ZNF473: variants seen among roughly 807,000 people sequenced by gnomAD.
The protein encoded by ZNF473 is zinc finger protein 100 homolog.
A neutral mutation model predicts 11.1 loss-of-function variants in ZNF473; 4 were observed. That is an observed-to-expected ratio of 0.36 (90% confidence interval 0.18 to 0.82). The LOEUF (loss-of-function observed/expected upper bound fraction) is 0.82, where lower values mean the gene tolerates loss of function less well. ZNF473 is among the 40% of genes least tolerant of loss of function. The pLI is 0.49. For synonymous variants in ZNF473, 404 were observed against 390.4 expected, an observed-to-expected ratio of 1.03 and a Z score of -0.41; for missense variants, 854 against 1,084.0, an observed-to-expected ratio of 0.79 and a Z score of 2.98.
chr19:50,028,941 T>G (rs1033622003), intron 1 of ZNF473, among the ~76,000 whole-genome samples: 7 of 152,234 alleles, frequency 4.6e-5, no homozygotes, highest in African/African-American at 1.4e-4. Context: ...ATTTGTAGTC[T>G]CAAAAATCTG....
At position 50,046,967 on chromosome 19, in the gene ZNF473, T is replaced by G. The variant is rs751446510; in HGVS notation, c.2524T>G (p.Tyr842Asp). The change falls in exon 5 of 5, where the codon TAT becomes GAT. Residue 842 changes from tyrosine (Y) to aspartate (D), a missense_variant. Tyr to Asp is a radical substitution (Grantham distance 160). Transcript: ENST00000270617. The surrounding 1 kb of genome is among the most constrained non-coding windows in gnomAD (Gnocchi z 5.9). ...HLRVHTQETLYQCQRCQKAFR... is the reference protein window; with the variant it reads ...HLRVHTQETLDQCQRCQKAFR... Reference sequence around the variant, plus strand: ...GAGAGTTCACACCCAGGAGACACTTTATCAGTGTCAACGTTGCCAGAAAGC... The same window carrying G: ...GAGAGTTCACACCCAGGAGACACTTGATCAGTGTCAACGTTGCCAGAAAGC... The G allele has an allele frequency of 1.9e-6, 3 of 1,614,184 alleles. No homozygotes were observed. Among genetic ancestry groups the G allele is most frequent in the Non-Finnish European group, 2.5e-6 (3 of 1,180,026 alleles).
At chr19:50,037,803 A>ACTCT (rs139135026) in intron 2 of ZNF473, among the ~76,000 whole-genome samples, 29 of 148,724 alleles carry the variant, frequency 1.9e-4, no homozygotes, top group African/African-American at 5.5e-4. Context: ...AGAGTGAGAC[A>ACTCT]CTCTCTCTCT....
chr19:50,035,404 G>C (rs988944638), intron 2 of ZNF473, among the ~76,000 whole-genome samples: 68 of 150,240 alleles, frequency 4.5e-4, no homozygotes, highest in African/African-American at 1.6e-3. Flanking sequence ...ATAAGGAATT[G>C]GTTTCCTTCT....
At position 50,047,005 on chromosome 19, in the gene ZNF473, C is replaced by G; in HGVS notation, c.2562C>G (p.His854Gln). The change falls in exon 5 of 5, where the codon CAC becomes CAG. Residue 854 changes from histidine (H) to glutamine (Q), a missense_variant. By Grantham distance (24) the His-to-Gln change is conservative. This residue lies in a region of ZNF473 where 186 missense variants were observed against 293.8 expected (regional missense o/e 0.63). Transcript: ENST00000270617. ...CQRCQKAFRC[H>Q]SSLSRHQRVH... The stretch of plus-strand genomic sequence containing the variant: ...GTTGCCAGAAAGCCTTTCGGTGCCA[C>G]TCGAGCCTCAGCCGCCATCAGCGTG... 6.2e-7 allele frequency: 1 copy of G among 1,613,962 alleles called. No individual in the cohort carries two copies. The highest frequency in any genetic ancestry group is 1.1e-5 in the South Asian group (1 of 91,086).
chr19:50,043,432 C>T (rs1400583841), intron 4 of ZNF473: 1 of 78,802 alleles, frequency 1.3e-5, no homozygotes, highest in Non-Finnish European at 2.4e-5. Context: ...ACTCAGTCTC[C>T]AAAAAAAAAA....
At position 50,027,781 on chromosome 19, in the gene ZNF473, C is replaced by T. The variant is rs1051971164; in HGVS notation, c.-192+1659C>T. On this transcript the variant is annotated intron_variant, in intron 1 of 4. Coordinates refer to ENST00000270617, the MANE Select transcript of ZNF473 (RefSeq NM_015428.4). Reference sequence around the variant, plus strand: ...GGTCTCACTGGAACCTCCACCTCCCCGGTTGAAGCGATTCTCCTGCCTCAG... The same window carrying T: ...GGTCTCACTGGAACCTCCACCTCCCTGGTTGAAGCGATTCTCCTGCCTCAG... 5.3e-5 allele frequency among the ~76,000 whole-genome samples: 8 copies of T among 151,994 alleles called. No individual in the cohort carries two copies. In the East Asian group the frequency reaches 5.8e-4, roughly 11 times the overall value.
intron 1 of ZNF473, among the ~76,000 whole-genome samples, chr19:50,029,937 T>C (rs8112474): frequency 0.052 from 7,958 of 152,052 alleles, 684 homozygotes; most frequent in African/African-American, 0.18. Context: ...CTGCAGCCTC[T>C]GCCTCCCGGG....
rs931185405 is a variant in ZNF473 at position 50,048,537 on chromosome 19, C to T, written c.*1478C>T. ...CAAATGGTTGCAACATTTAACTTCT[C>T]GCACATGGTTCCCGTCCTCTGGAGC... On this transcript the variant is annotated 3_prime_UTR_variant, in exon 5 of 5. Coordinates refer to ENST00000270617, the MANE Select transcript of ZNF473 (RefSeq NM_015428.4). 3 of 152,200 alleles carry T rather than the reference C, an allele frequency of 2.0e-5. No homozygotes were observed. The highest frequency in any genetic ancestry group is 6.5e-5 in the Admixed American group (1 of 15,282). 9.4% of individuals were successfully genotyped at this position (152,200 alleles called of 1,614,324 possible).
intron 1 of ZNF473, among the ~76,000 whole-genome samples, chr19:50,030,236 G>A (rs944440140): frequency 2.0e-4 from 31 of 152,290 alleles, no homozygotes; most frequent in African/African-American, 6.5e-4. Flanking sequence ...GGCCAGGTGC[G>A]GTGGCTCACA....
At chr19:50,029,387 C>T (rs1442497468) in intron 1 of ZNF473, among the ~76,000 whole-genome samples, 2 of 152,236 alleles carry the variant, frequency 1.3e-5, no homozygotes, top group Non-Finnish European at 2.9e-5. Context: ...ACCTCGTGAT[C>T]CGCCTGCCTT....
intron 2 of ZNF473, 114 bp downstream of exon 2, chr19:50,031,205 G>T: frequency 7.1e-7 from 1 of 1,413,850 alleles, no homozygotes. Flanking sequence ...TCACCCCCAT[G>T]GCAGGAAAGC....
Position 50,046,225 on chromosome 19 carries a change from C to T in ZNF473, c.1782C>T (p.Asp594=), listed in dbSNP as rs1979110581. Residue 594 remains aspartate (D), a synonymous_variant, in exon 5 of 5, where the codon GAC becomes GAT. Coordinates refer to ENST00000270617, the MANE Select transcript of ZNF473 (RefSeq NM_015428.4). This position sits in a 1 kb window ranked among gnomAD's most constrained non-coding sequence, Gnocchi z 5.9. ...HTRGVKPFEC[D]QCGKAFGQST... Reference sequence around the variant, plus strand: ...GGGGAGTGAAGCCCTTTGAATGTGACCAGTGTGGGAAAGCCTTTGGCCAAA... The same window carrying T: ...GGGGAGTGAAGCCCTTTGAATGTGATCAGTGTGGGAAAGCCTTTGGCCAAA... 2.5e-6 allele frequency: 4 copies of T among 1,613,984 alleles called. No homozygotes were observed.
intron 2 of ZNF473, among the ~76,000 whole-genome samples, chr19:50,034,042 A>G (rs1286156461): frequency 6.6e-6 from 1 of 152,212 alleles, no homozygotes; most frequent in Non-Finnish European, 1.5e-5. Flanking sequence ...GACAATCTAC[A>G]GGATATCTCA....
chr19:50,046,150 A>G lies in ZNF473; in HGVS notation c.1707A>G (p.Lys569=), dbSNP rs1434399372. 2 of 1,614,196 alleles carry G rather than the reference A, an allele frequency of 1.2e-6. No individual in the cohort carries two copies. Among genetic ancestry groups the G allele is most frequent in the East Asian group, 2.2e-5 (1 of 44,888 alleles). The part of the protein sequence containing the change: ...EKCFKCNKCE[K]TFSCSKYLTQ... Reference sequence around the variant, plus strand: ...GCTTTAAGTGTAACAAATGTGAGAAAACCTTTAGCTGCAGCAAATACCTAA... The same window carrying G: ...GCTTTAAGTGTAACAAATGTGAGAAGACCTTTAGCTGCAGCAAATACCTAA... Residue 569 remains lysine, a synonymous_variant, in exon 5 of 5, where the codon AAA becomes AAG. Transcript: ENST00000270617. This position sits in a 1 kb window ranked among gnomAD's most constrained non-coding sequence, Gnocchi z 5.9.
intron 1 of ZNF473, among the ~76,000 whole-genome samples, chr19:50,030,523 C>G (rs953293923): frequency 6.6e-6 from 1 of 152,160 alleles, no homozygotes; most frequent in Non-Finnish European, 1.5e-5. Flanking sequence ...AAAAGAGTAA[C>G]AGTTTCGGAG....
In ZNF473 at chr19:50,044,956, T is replaced by C. The variant is rs1282533852; in HGVS notation, c.513T>C (p.His171=). 1 of 1,614,046 alleles carries C rather than the reference T, an allele frequency of 6.2e-7. No individual in the cohort carries two copies. The highest frequency in any genetic ancestry group is 2.2e-5 in the East Asian group (1 of 44,896). ...CCACGGGAGAAGATTCCATGGTGCATAATGTTTCTGAAAAGACCCTCACAC... is the reference window on the plus strand; with the variant it reads ...CCACGGGAGAAGATTCCATGGTGCACAATGTTTCTGAAAAGACCCTCACAC... ...TVSTGEDSMV[H]NVSEKTLTPA... The change falls in exon 5 of 5, where the codon CAT becomes CAC. Residue 171 remains histidine, a synonymous_variant. Coordinates refer to ENST00000270617, the MANE Select transcript of ZNF473 (RefSeq NM_015428.4).
At chr19:50,041,559 A>G in intron 3 of ZNF473, 171 bp from the exon 4 acceptor site, 1 of 455,872 alleles carries the variant, frequency 2.2e-6, no homozygotes, top group East Asian at 3.7e-5. Flanking sequence ...TGGACTGGGA[A>G]CCCTACAGGA....
chr19:50,037,979 C>T (rs1056550399), intron 2 of ZNF473, among the ~76,000 whole-genome samples: 2 of 149,770 alleles, frequency 1.3e-5, no homozygotes, highest in African/African-American at 2.5e-5. Context: ...CCTATACGAA[C>T]TCTACCGCTG....
chr19:50,045,480 G>T lies in ZNF473; in HGVS notation c.1037G>T (p.Arg346Leu). The T allele has an allele frequency of 1.2e-6, 2 of 1,614,110 alleles. No homozygotes were observed. The highest frequency in any genetic ancestry group is 1.7e-6 in the Non-Finnish European group (2 of 1,180,022). ...TRHQKIHTRK[R>L]YECSKCQATF... is the part of the protein sequence containing the mutation. ...CACCAGAAGATCCACACTCGGAAACGCTATGAGTGTTCCAAGTGCCAGGCG... is the reference window on the plus strand; with the variant it reads ...CACCAGAAGATCCACACTCGGAAACTCTATGAGTGTTCCAAGTGCCAGGCG... Residue 346 changes from arginine to leucine, a missense_variant, in exon 5 of 5, where the codon CGC (arginine) becomes CTC (leucine). Arg to Leu is a moderately radical substitution (Grantham distance 102). This residue lies in a region of ZNF473 where 668 missense variants were observed against 790.2 expected (regional missense o/e 0.85). Transcript: ENST00000270617.
Sources: allele counts gnomAD v4.1 joint callset (sites outside exome capture counted in the v4.1 genomes callset), GRCh38; gene constraint gnomAD v4.1.1; regional missense constraint gnomAD v4.1.1; non-coding constraint Gnocchi (gnomAD v3.1); transcripts MANE v1.5; gene names NCBI Gene and HGNC (gene_info 2026-07-23, HGNC 2026-07-21).